Variants in UPK1B observed in about 807,000 individuals in gnomAD.
UPK1B encodes the protein uroplakin-1b.
UPK1B carries 28 observed loss-of-function variants against 34.2 expected under a neutral mutation model. The observed-to-expected ratio is 0.82, with a 90% CI of 0.61 to 1.12. The LOEUF (loss-of-function observed/expected upper bound fraction) is 1.12, where lower values mean the gene tolerates loss of function less well. Ranked by LOEUF, UPK1B falls within the 50% of genes most tolerant of loss-of-function variation. UPK1B has a pLI of 0.00. For missense variants in UPK1B, 325 were observed against 320.9 expected, an observed-to-expected ratio of 1.01 and a Z score of -0.10; for synonymous variants, 81 against 110.4, an observed-to-expected ratio of 0.73 and a Z score of 1.67.
At chr3:119,194,051 G>A (rs1426553180) in intron 5 of UPK1B, among the ~76,000 whole-genome samples, 168 bp from the exon 6 acceptor site, 2 of 152,212 alleles carry the variant, frequency 1.3e-5, no homozygotes, top group Non-Finnish European at 2.9e-5. Flanking sequence ...ACTGTAAAAT[G>A]TAAGTTGTAA....
At chr3:119,203,826 G>A in intron 7 of UPK1B, 91 bp from the exon 8 acceptor site, 1 of 1,342,776 alleles carries the variant, frequency 7.4e-7, no homozygotes. Flanking sequence ...TGTCACCTAA[G>A]CCTGAATGAA....
At chr3:119,177,536 G>A (rs1028696752) in intron 1 of UPK1B, among the ~76,000 whole-genome samples, 2 of 152,168 alleles carry the variant, frequency 1.3e-5, no homozygotes, top group African/African-American at 4.8e-5. Flanking sequence ...GTATCATGCC[G>A]TGAACAGGCA....
intron 1 of UPK1B, among the ~76,000 whole-genome samples, chr3:119,184,563 CAA>C (rs11369996): frequency 4.3e-5 from 5 of 117,208 alleles, no homozygotes; most frequent in Admixed American, 8.6e-5. Context: ...ACTAAAAATA[CAA>C]AAAAAAAAAA....
chr3:119,175,120 C>T (rs376433985), intron 1 of UPK1B, among the ~76,000 whole-genome samples: 28 of 136,564 alleles, frequency 2.1e-4, no homozygotes, highest in Middle Eastern at 5.0e-3. Context: ...CTCTGCCTCC[C>T]GGGTAGATGC....
At chr3:119,192,097 AT>A (rs2078047539) in intron 5 of UPK1B, among the ~76,000 whole-genome samples, 2 of 152,188 alleles carry the variant, frequency 1.3e-5, no homozygotes, top group Non-Finnish European at 2.9e-5. Context: ...CATAGTCAGC[AT>A]GCCATCACCA....
intron 5 of UPK1B, among the ~76,000 whole-genome samples, chr3:119,193,362 CAA>C (rs1559903136): frequency 1.3e-5 from 2 of 152,240 alleles, no homozygotes; most frequent in Non-Finnish European, 2.9e-5. Flanking sequence ...GATTTATCAT[CAA>C]GTTTACTTGA....
At chr3:119,184,334 C>T (rs1241775223) in intron 1 of UPK1B, among the ~76,000 whole-genome samples, 1 of 152,162 alleles carries the variant, frequency 6.6e-6, no homozygotes, top group Non-Finnish European at 1.5e-5. Context: ...AATAAAGCCC[C>T]TCAGCGGTGC....
Position 119,187,941 on chromosome 3 carries a change from G to C in UPK1B, c.236G>C (p.Gly79Ala), listed in dbSNP as rs748304802. 6.2e-7 allele frequency: 1 copy of C among 1,614,114 alleles called. No homozygotes were observed. The highest frequency in any genetic ancestry group is 8.5e-7 in the Non-Finnish European group (1 of 1,180,010). ...LFCLSVLGIV[G>A]IMKSSRKILL... is the part of the protein sequence containing the mutation. ...TGCCTGTCTGTTCTAGGCATTGTAG[G>C]CATCATGAAGTCCAGCAGGAAAATT... The change falls in exon 3 of 8, where the codon GGC becomes GCC. Residue 79 changes from glycine to alanine, a missense_variant. Coordinates refer to ENST00000264234, the MANE Select transcript of UPK1B (RefSeq NM_006952.4).
chr3:119,183,235 G>A (rs115580555), intron 1 of UPK1B, among the ~76,000 whole-genome samples: 1,543 of 151,916 alleles, frequency 0.01, 33 homozygotes, highest in African/African-American at 0.034. Flanking sequence ...ATGTGGCCTT[G>A]GGCAAATTAA....
rs77764490 is a variant in UPK1B at position 119,192,357 on chromosome 3, C to T, written c.468+1253C>T. Among the ~76,000 whole-genome samples the T allele has an allele frequency of 1.7e-3, 257 of 152,222 alleles. 7 individuals are homozygous for T. In the East Asian group the frequency reaches 0.043, roughly 25 times the overall value. The stretch of plus-strand genomic sequence containing the variant: ...GTCACTCTTTCCTAACCAAGCCCAC[C>T]GAGTAGAATATAGCTTTTTGCTCAC... On this transcript the variant is annotated intron_variant, in intron 5 of 7. Transcript: ENST00000264234.
At chr3:119,178,321 TG>T (rs2077967229) in intron 1 of UPK1B, among the ~76,000 whole-genome samples, 1 of 151,168 alleles carries the variant, frequency 6.6e-6, no homozygotes, top group South Asian at 2.1e-4. Context: ...CAACAGAGAG[TG>T]GGGGGACAAG....
intron 1 of UPK1B, among the ~76,000 whole-genome samples, chr3:119,181,242 G>A (rs1460236491): frequency 2.6e-5 from 4 of 152,040 alleles, no homozygotes; most frequent in Non-Finnish European, 5.9e-5. Flanking sequence ...ATTCTGATCT[G>A]ATTTCATATA....
chr3:119,203,279 T>G (rs564507626), intron 7 of UPK1B, among the ~76,000 whole-genome samples: 1 of 135,020 alleles, frequency 7.4e-6, no homozygotes, highest in Admixed American at 8.8e-5. Flanking sequence ...AGGCGGAGCT[T>G]GCAGTGAGTC....
At chr3:119,183,272 T>TG (rs1491543992) in intron 1 of UPK1B, among the ~76,000 whole-genome samples, 54 of 97,412 alleles carry the variant, frequency 5.5e-4, no homozygotes, top group African/African-American at 2.7e-3. Flanking sequence ...TTTTTTTTTG[T>TG]TTTTTTTTTT....
chr3:119,188,353 GT>G (rs1249049303), intron 3 of UPK1B, among the ~76,000 whole-genome samples: 9 of 152,044 alleles, frequency 5.9e-5, no homozygotes, highest in Admixed American at 5.9e-4. Context: ...GCAATAACTT[GT>G]TTAAAACATT....
At chr3:119,187,334 T>C (rs2107430864) in intron 2 of UPK1B, among the ~76,000 whole-genome samples, 1 of 152,314 alleles carries the variant, frequency 6.6e-6, no homozygotes, top group Middle Eastern at 3.4e-3. Context: ...GGCCATCACC[T>C]TTCAAGGCTG....
chr3:119,190,222 T>C lies in UPK1B; in HGVS notation c.271-23T>C, dbSNP rs201217246. 9.6e-4 allele frequency: 1,479 copies of C among 1,540,472 alleles called. 9 individuals carry two copies. The highest frequency in any genetic ancestry group is 3.5e-4 in the Middle Eastern group (2 of 5,780). On this transcript the variant is annotated intron_variant, in intron 3 of 7. Transcript: ENST00000264234. ...CTTTGACGGGTAAATGTAATTCTTT[T>C]ATCTCATTTATTTCCCTTCCAGTAT...
At chr3:119,195,517 G>A (rs7426444) in intron 6 of UPK1B, among the ~76,000 whole-genome samples, 139,932 of 152,290 alleles carry the variant, frequency 0.92, 64,619 homozygotes, top group Non-Finnish European at 0.97. Context: ...GCAGTGTCCA[G>A]AGCAACCCTC....
chr3:119,186,729 G>A lies in UPK1B; in HGVS notation c.-13G>A, dbSNP rs1273107461. The A allele has an allele frequency of 6.2e-7, 1 of 1,613,772 alleles. No homozygotes were observed. On this transcript the variant is annotated 5_prime_UTR_variant, in exon 2 of 8. Coordinates refer to ENST00000264234, the MANE Select transcript of UPK1B (RefSeq NM_006952.4). ...CTTTCAACAGTGCCTTCAGCTTGTGGGAAATCCCGAAGATGGCCAAAGACA... is the reference window on the plus strand; with the variant it reads ...CTTTCAACAGTGCCTTCAGCTTGTGAGAAATCCCGAAGATGGCCAAAGACA...
Sources: allele counts gnomAD v4.1 joint callset (sites outside exome capture counted in the v4.1 genomes callset), GRCh38; gene constraint gnomAD v4.1.1; transcripts MANE v1.5; gene names NCBI Gene and HGNC (gene_info 2026-07-23, HGNC 2026-07-21).